Variants in SLC1A1 observed in about 807,000 individuals in gnomAD.
SLC1A1 encodes solute carrier family 1 member 1.
SLC1A1 carries 43 observed loss-of-function variants against 53.3 expected under a neutral mutation model. The observed-to-expected ratio is 0.81, with a 90% CI of 0.63 to 1.04. The LOEUF (loss-of-function observed/expected upper bound fraction) is 1.04. SLC1A1 is among the 50% of genes least tolerant of loss of function. The probability of loss-of-function intolerance (pLI) is 0.00; values close to 1 mark genes in which losing one functional copy is unlikely to be tolerated. For synonymous variants in SLC1A1, 307 were observed against 243.2 expected (o/e 1.26, Z -2.44); for missense variants, 748 against 664.9 (o/e 1.12, Z -1.37).
intron 1 of SLC1A1, among the ~76,000 whole-genome samples, chr9:4,539,358 AT>A (rs977361144): frequency 6.6e-6 from 1 of 152,018 alleles, no homozygotes; most frequent in Non-Finnish European, 1.5e-5. Flanking sequence ...CCTGAACAAT[AT>A]TTTTTTTATA....
intron 1 of SLC1A1, among the ~76,000 whole-genome samples, chr9:4,518,853 C>A (rs1815959074): frequency 6.6e-6 from 1 of 152,186 alleles, no homozygotes; most frequent in Admixed American, 6.5e-5. Context: ...TTAATTCTCA[C>A]CCTGAGTCTG....
chr9:4,492,359 A>G (rs1351163472), intron 1 of SLC1A1, among the ~76,000 whole-genome samples: 2 of 152,020 alleles, frequency 1.3e-5, no homozygotes, highest in South Asian at 4.1e-4. Flanking sequence ...GCTCATGCCT[A>G]TAACCCCAGT....
intron 8 of SLC1A1, among the ~76,000 whole-genome samples, chr9:4,575,424 T>C (rs1288218725): frequency 6.6e-6 from 1 of 152,186 alleles, no homozygotes; most frequent in Non-Finnish European, 1.5e-5. Context: ...TGAGACTTTT[T>C]TCCTTACTGT....
chr9:4,587,398 C>T lies in SLC1A1; in HGVS notation c.*1840C>T, dbSNP rs1372511510. On this transcript the variant is annotated 3_prime_UTR_variant, in exon 12 of 12. Transcript: ENST00000262352. ...AGTCAGTTTGAAACCAGCCTCTTAACACACTGCTGTTAACTCATAAAAGAG... is the reference window on the plus strand; with the variant it reads ...AGTCAGTTTGAAACCAGCCTCTTAATACACTGCTGTTAACTCATAAAAGAG... 3 of 152,162 alleles carry T rather than the reference C, an allele frequency of 2.0e-5. No homozygotes were observed. The highest frequency in any genetic ancestry group is 2.0e-4 in the Admixed American group (3 of 15,274). 9.4% of individuals were successfully genotyped at this position (152,162 alleles called of 1,614,324 possible).
chr9:4,520,480 G>A (rs181974502), intron 1 of SLC1A1, among the ~76,000 whole-genome samples: 27 of 152,104 alleles, frequency 1.8e-4, no homozygotes, highest in African/African-American at 5.5e-4. Flanking sequence ...TGCCTGTTCT[G>A]GACATTTCAT....
intron 2 of SLC1A1, among the ~76,000 whole-genome samples, chr9:4,558,655 A>T (rs1039056330): frequency 6.6e-6 from 1 of 152,238 alleles, no homozygotes; most frequent in Non-Finnish European, 1.5e-5. Context: ...ATTAAGACAT[A>T]TTAACATATG....
At chr9:4,560,350 G>A (rs1818817164) in intron 2 of SLC1A1, among the ~76,000 whole-genome samples, 1 of 152,154 alleles carries the variant, frequency 6.6e-6, no homozygotes, top group African/African-American at 2.4e-5. Flanking sequence ...ACAGATTACT[G>A]AGCCATTAAA....
rs1401368794 is a variant in SLC1A1, at chr9:4,576,795, C to G, written c.1193+32C>G. The G allele has an allele frequency of 3.2e-6, 5 of 1,580,276 alleles. No homozygotes were observed. In the African/African-American group the frequency reaches 6.7e-5, roughly 21 times the overall value. ...CATGGTGTCACATTCATTGTCATCA[C>G]TGATACAGGGATTACCGCCAGTAAA... On this transcript the variant is annotated intron_variant, in intron 10 of 11. Transcript: ENST00000262352.
intron 1 of SLC1A1, among the ~76,000 whole-genome samples, chr9:4,492,259 G>A (rs1478678168): frequency 6.6e-6 from 1 of 152,114 alleles, no homozygotes; most frequent in Admixed American, 6.5e-5. Context: ...CCAAAGAGAA[G>A]AGATGGCCTT....
In SLC1A1 at chr9:4,498,924, A is replaced by C. The variant is rs377506174; in HGVS notation, c.91+8154A>C. On this transcript the variant is annotated intron_variant, in intron 1 of 11. Transcript: ENST00000262352. The stretch of plus-strand genomic sequence containing the variant: ...ATATTACATGTATACATACATATAC[A>C]TATGTATGTATTATATACATAATAT... Among the ~76,000 whole-genome samples, 41 of 147,086 alleles carry C rather than the reference A, an allele frequency of 2.8e-4. No individual in the cohort carries two copies. In the East Asian group the frequency reaches 7.4e-3, roughly 27 times the overall value.
intron 1 of SLC1A1, among the ~76,000 whole-genome samples, chr9:4,496,777 GC>G (rs963835878): frequency 1.3e-5 from 2 of 152,080 alleles, no homozygotes; most frequent in Non-Finnish European, 2.9e-5. Context: ...CGTGCCTGTG[GC>G]CCCAACTACT....
chr9:4,518,044 A>T (rs536648827), intron 1 of SLC1A1, among the ~76,000 whole-genome samples: 1 of 152,120 alleles, frequency 6.6e-6, no homozygotes, highest in East Asian at 1.9e-4. Flanking sequence ...CCTGGCCAAC[A>T]TGGGGAAACT....
rs888258969 is a variant in SLC1A1 at position 4,569,105 on chromosome 9, C to G, written c.582+1338C>G. ...AAAAAAAGAGCCCTGTTGCCTCTAC[C>G]TCTCTGGGTCTGCTTACAGTAGAGC... On this transcript the variant is annotated intron_variant, in intron 6 of 11. Transcript: ENST00000262352. 2.6e-5 allele frequency among the ~76,000 whole-genome samples: 4 copies of G among 152,194 alleles called. No homozygotes were observed. The South Asian group carries it at 6.2e-4, about 24-fold the overall frequency.
At chr9:4,496,198 G>A (rs1820412190) in intron 1 of SLC1A1, among the ~76,000 whole-genome samples, 1 of 152,236 alleles carries the variant, frequency 6.6e-6, no homozygotes, top group South Asian at 2.1e-4. Flanking sequence ...TGGTGTGATA[G>A]AAATTAAGAA....
intron 1 of SLC1A1, among the ~76,000 whole-genome samples, chr9:4,529,366 T>C (rs1201850902): frequency 2.0e-5 from 3 of 152,188 alleles, no homozygotes; most frequent in Non-Finnish European, 4.4e-5. Flanking sequence ...ATATCCCAGA[T>C]TTCTGACCTT....
intron 1 of SLC1A1, among the ~76,000 whole-genome samples, chr9:4,502,780 G>A (rs1397642668): frequency 1.3e-5 from 2 of 151,728 alleles, no homozygotes; most frequent in East Asian, 3.8e-4. Flanking sequence ...AACCATACTT[G>A]GAGACAGGCT....
intron 1 of SLC1A1, among the ~76,000 whole-genome samples, chr9:4,543,523 A>C (rs760085424): frequency 3.3e-4 from 50 of 152,342 alleles, no homozygotes; most frequent in Non-Finnish European, 6.8e-4. Context: ...CAACTGAAGG[A>C]TTTCAATATG....
At chr9:4,539,842 T>A (rs1816852726) in intron 1 of SLC1A1, among the ~76,000 whole-genome samples, 1 of 152,122 alleles carries the variant, frequency 6.6e-6, no homozygotes, top group South Asian at 2.1e-4. Flanking sequence ...AGTGCTGGGA[T>A]TACAGCCATG....
chr9:4,562,040 G>A (rs1818997701), intron 3 of SLC1A1, among the ~76,000 whole-genome samples: 1 of 148,736 alleles, frequency 6.7e-6, no homozygotes, highest in Non-Finnish European at 1.5e-5. Flanking sequence ...TTACCGGCAT[G>A]AGCCACTGTG....
Sources: allele counts gnomAD v4.1 joint callset (sites outside exome capture counted in the v4.1 genomes callset), GRCh38; gene constraint gnomAD v4.1.1; transcripts MANE v1.5; gene names NCBI Gene and HGNC (gene_info 2026-07-23, HGNC 2026-07-21).